The following SNRPN variants were observed in gnomAD, a reference collection of about 807,000 sequenced individuals.
The protein encoded by SNRPN is small nuclear ribonucleoprotein polypeptide N.
Under a neutral mutation model 25.2 loss-of-function variants are expected in SNRPN, and 7 were observed. The ratio of observed to expected loss-of-function variants is 0.28; its 90% CI spans 0.16 to 0.52. The LOEUF is 0.52. SNRPN is among the 20% of genes least tolerant of loss of function. The probability of loss-of-function intolerance (pLI) is 0.96; values close to 1 mark genes in which losing one functional copy is unlikely to be tolerated. For synonymous variants in SNRPN, 124 were observed against 110.6 expected, an observed-to-expected ratio of 1.12 and a Z score of -0.76; for missense variants, 196 against 322.5, an observed-to-expected ratio of 0.61 and a Z score of 3.00.
chr15:24,865,233 G>A (rs2054462492), intron 1 of SNRPN, among the ~76,000 whole-genome samples: 1 of 151,984 alleles, frequency 6.6e-6, no homozygotes, highest in Non-Finnish European at 1.5e-5. Flanking sequence ...TTTTAGTAGA[G>A]ACAGGGTTTC....
At position 24,837,326 on chromosome 15, in the gene SNRPN, G is replaced by T. The variant is rs545495942; in HGVS notation, c.-579+7421G>T. On this transcript the variant is annotated intron_variant, in intron 2 of 12. Transcript: ENST00000400100. ...CAGAGCGAGTAAATGGAAAAATCCC[G>T]TGGAAAAACACTAATCATATATTGC... Among the ~76,000 whole-genome samples the T allele has an allele frequency of 6.8e-4, 104 of 151,842 alleles. 1 individual carries two copies. The highest frequency in any genetic ancestry group is 2.2e-3 in the African/African-American group (91 of 41,320).
At chr15:24,916,755 C>G (rs1375589420) in intron 2 of SNRPN, among the ~76,000 whole-genome samples, 2 of 152,106 alleles carry the variant, frequency 1.3e-5, no homozygotes, top group Admixed American at 1.3e-4. Context: ...GGAGTTGGTT[C>G]CTTCCGGTGG....
At chr15:24,830,380 G>A (rs956232968) in intron 2 of SNRPN, among the ~76,000 whole-genome samples, 2 of 152,116 alleles carry the variant, frequency 1.3e-5, no homozygotes, top group East Asian at 3.9e-4. Context: ...GTATGTCCTG[G>A]AAAATATGAA....
At chr15:24,873,750 T>G (rs2055502767) in intron 1 of SNRPN, among the ~76,000 whole-genome samples, 1 of 152,042 alleles carries the variant, frequency 6.6e-6, no homozygotes, top group African/African-American at 2.4e-5. Context: ...CCTGGCCAAC[T>G]CTTCTTTTTA....
Position 24,925,975 on chromosome 15 carries a change from C to T in SNRPN, c.-391+5851C>T, listed in dbSNP as rs532214802. Among the ~76,000 whole-genome samples, 3 of 152,246 alleles carry T rather than the reference C, an allele frequency of 2.0e-5. No homozygotes were observed. The South Asian group carries it at 6.2e-4, about 32-fold the overall frequency. Reference sequence around the variant, plus strand: ...GGTCTCGATCTCCTGACCTTGTGATCCGCCCGCCTCGGCCTCCCAAAGTGC... The same window carrying T: ...GGTCTCGATCTCCTGACCTTGTGATTCGCCCGCCTCGGCCTCCCAAAGTGC... On this transcript the variant is annotated intron_variant, in intron 3 of 11. Transcript: ENST00000400097.
chr15:24,836,108 T>C (rs891691710), intron 2 of SNRPN, among the ~76,000 whole-genome samples: 6 of 152,108 alleles, frequency 3.9e-5, no homozygotes, highest in African/African-American at 1.5e-4. Flanking sequence ...TCTACGTGGC[T>C]GGCAGATGGC....
intron 1 of SNRPN, among the ~76,000 whole-genome samples, chr15:24,957,890 CTTTGGAAAGGCCTCTTGAAGTT>C (rs1249309085): frequency 3.9e-5 from 6 of 152,114 alleles, no homozygotes; most frequent in Non-Finnish European, 5.9e-5. Flanking sequence ...TGGCAGATCC[CTTTGGAAAGGCCTCTTGAAGTT>C]TCAAGGTCTG....
chr15:24,896,584 G>A (rs2058093422), intron 2 of SNRPN, among the ~76,000 whole-genome samples: 1 of 151,950 alleles, frequency 6.6e-6, no homozygotes, highest in Non-Finnish European at 1.5e-5. Context: ...TGTGGTGGCG[G>A]GCGCCTGTAG....
chr15:24,828,564 A>G (rs1305806289), intron 1 of SNRPN, among the ~76,000 whole-genome samples: 2 of 152,134 alleles, frequency 1.3e-5, no homozygotes, highest in African/African-American at 4.8e-5. Flanking sequence ...ACAAGAAAGA[A>G]AAAAGAAAGA....
At chr15:24,924,595 G>A (rs1434195479) in intron 3 of SNRPN, among the ~76,000 whole-genome samples, 3 of 151,636 alleles carry the variant, frequency 2.0e-5, no homozygotes, top group African/African-American at 7.3e-5. Flanking sequence ...AGATCCTCCC[G>A]CCTCAGTCTC....
At chr15:24,951,314 C>T (rs774728781), upstream of SNRPN, among the ~76,000 whole-genome samples, 8 of 152,168 alleles carry the variant, frequency 5.3e-5, no homozygotes, top group African/African-American at 9.7e-5. Context: ...AATTTCTCCA[C>T]CTCCTCCACA....
intron 2 of SNRPN, among the ~76,000 whole-genome samples, chr15:24,886,851 A>G (rs1353517753): frequency 6.6e-6 from 1 of 152,192 alleles, no homozygotes; most frequent in Non-Finnish European, 1.5e-5. Flanking sequence ...TCCATTTTCC[A>G]AAACTCCTAA....
intron 1 of SNRPN, among the ~76,000 whole-genome samples, chr15:24,827,691 A>C (rs2050206303): frequency 1.3e-5 from 2 of 151,140 alleles, no homozygotes; most frequent in African/African-American, 2.4e-5. Context: ...AGATGGTGAA[A>C]CCCTGTCTCT....
chr15:24,974,792 C>CTGGTGATCCAGAGGTGGG (rs2076875578), intron 4 of SNRPN: 2 of 635,334 alleles, frequency 3.1e-6, no homozygotes, highest in Non-Finnish European at 5.6e-6. Flanking sequence ...CTCCTGACCT[C>CTGGTGATCCAGAGGTGGG]TGGTGATCCA....
At chr15:24,874,309 C>CAAA (rs199834006) in intron 1 of SNRPN, among the ~76,000 whole-genome samples, 8,389 of 60,894 alleles carry the variant, frequency 0.14, 1,012 homozygotes, top group Non-Finnish European at 0.16. Context: ...GACTCTGTCT[C>CAAA]AAAAAAAAAA....
chr15:24,866,459 TTGA>T (rs1349560868), intron 1 of SNRPN, among the ~76,000 whole-genome samples: 2 of 152,106 alleles, frequency 1.3e-5, no homozygotes, highest in Non-Finnish European at 2.9e-5. Context: ...GTGCAGTGGT[TTGA>T]TCACAGCTCA....
At chr15:24,894,456 T>C (rs2057934735) in intron 2 of SNRPN, among the ~76,000 whole-genome samples, 1 of 152,210 alleles carries the variant, frequency 6.6e-6, no homozygotes, top group African/African-American at 2.4e-5. Flanking sequence ...CCTGACCTCG[T>C]GATCCGCCCG....
intron 1 of SNRPN, among the ~76,000 whole-genome samples, chr15:24,869,657 C>T (rs1038614224): frequency 2.0e-5 from 3 of 152,270 alleles, no homozygotes; most frequent in South Asian, 4.1e-4. Context: ...GTAACCACAT[C>T]ATATCACGGG....
upstream of SNRPN, among the ~76,000 whole-genome samples, chr15:24,953,648 T>A (rs2062459213): frequency 6.6e-6 from 1 of 152,200 alleles, no homozygotes; most frequent in African/African-American, 2.4e-5. Context: ...TTGACTCCCG[T>A]GATCAGAGTC....
Sources: gnomAD v4.1 joint callset for allele counts (sites outside exome capture counted in the v4.1 genomes callset) on GRCh38, gnomAD v4.1.1 for gene constraint, MANE v1.5 for transcripts, NCBI Gene and HGNC (gene_info 2026-07-23, HGNC 2026-07-21) for gene names.